The following OR6F1 variants were observed in gnomAD, a reference collection of about 807,000 sequenced individuals.
OR6F1 encodes the protein olfactory receptor 6F1.
For missense variants in OR6F1, 346 were observed against 376.0 expected (o/e 0.92, Z 0.66); for synonymous variants, 144 against 150.0 (o/e 0.96, Z 0.29).
intron 1 of OR6F1, among the ~76,000 whole-genome samples, chr1:247,715,978 C>T (rs1459417039): frequency 1.3e-5 from 2 of 152,104 alleles, no homozygotes; most frequent in African/African-American, 2.4e-5. Context: ...ATCTGGCGGA[C>T]GTGGTGACTG....
chr1:247,712,726 C>T lies in OR6F1; in HGVS notation c.30G>A (p.Gln10=), dbSNP rs764198391. 6.3e-7 allele frequency: 1 copy of T among 1,594,850 alleles called. No individual in the cohort carries two copies. The highest frequency in any genetic ancestry group is 2.2e-5 in the East Asian group (1 of 44,866). MDTGNKTLP[Q]DFLLLGFPGS... Reference sequence around the variant, plus strand: ...CAGGAAAGCCCAGTAAGAGAAAGTCCTGGGGCAGAGTTTTGTTGCCTGTGT... The same window carrying T: ...CAGGAAAGCCCAGTAAGAGAAAGTCTTGGGGCAGAGTTTTGTTGCCTGTGT... The change falls in exon 3 of 3, where the codon CAG becomes CAA. Residue 10 remains glutamine, a synonymous_variant. Coordinates refer to ENST00000641470, the MANE Select transcript of OR6F1 (RefSeq NM_001005286.2).
chr1:247,714,561 C>T (rs1253862559), intron 1 of OR6F1, among the ~76,000 whole-genome samples: 1 of 152,164 alleles, frequency 6.6e-6, no homozygotes, highest in Non-Finnish European at 1.5e-5. Context: ...ACGCACTTGT[C>T]AATAAACTTC....
intron 2 of OR6F1, among the ~76,000 whole-genome samples, chr1:247,713,400 T>C (rs1242782867): frequency 6.6e-6 from 1 of 150,908 alleles, no homozygotes; most frequent in African/African-American, 2.5e-5. Flanking sequence ...AAACATTATA[T>C]GACAGATACT....
intron 2 of OR6F1, among the ~76,000 whole-genome samples, chr1:247,713,179 T>C (rs528932700): frequency 6.6e-6 from 1 of 152,320 alleles, no homozygotes; most frequent in Non-Finnish European, 1.5e-5. Context: ...AGACTCTGCA[T>C]GGCCCCTGGC....
Position 247,711,752 on chromosome 1 carries a change from T to C in OR6F1, c.*77A>G. 1.1e-6 allele frequency: 1 copy of C among 896,562 alleles called. No individual in the cohort carries two copies. The highest frequency in any genetic ancestry group is 1.8e-6 in the Non-Finnish European group (1 of 564,664). 55.5% of individuals were successfully genotyped at this position (896,562 alleles called of 1,614,324 possible). ...TGTGTACCAAGAAAGATTTGCCCTA[T>C]TCCTCCACATTCTTACTTGGAACCT... On this transcript the variant is annotated 3_prime_UTR_variant, in exon 3 of 3. Coordinates refer to ENST00000641470, the MANE Select transcript of OR6F1 (RefSeq NM_001005286.2).
rs1234237817 is a variant in OR6F1, at chr1:247,716,563, G to A, written c.-359C>T. 6.6e-6 allele frequency: 1 copy of A among 152,070 alleles called. No individual in the cohort carries two copies. The highest frequency in any genetic ancestry group is 1.5e-5 in the Non-Finnish European group (1 of 68,026). 9.4% of individuals were successfully genotyped at this position (152,070 alleles called of 1,614,324 possible). A position where few individuals can be genotyped will look rare whatever the true frequency, so the allele number is the denominator to read the frequency against. On this transcript the variant is annotated 5_prime_UTR_variant, in exon 1 of 3. Transcript: ENST00000641470. ...AACTTTCATAATCTTTGAAATTAGAGCTCAGTCTTTTTCTGTTTCCTTTTG... is the reference window on the plus strand; with the variant it reads ...AACTTTCATAATCTTTGAAATTAGAACTCAGTCTTTTTCTGTTTCCTTTTG...
At chr1:247,714,328 G>A (rs1265466847) in intron 1 of OR6F1, among the ~76,000 whole-genome samples, 4 of 152,088 alleles carry the variant, frequency 2.6e-5, no homozygotes, top group Admixed American at 2.6e-4. Context: ...CCTAGAGAAG[G>A]CAACAGAGGA....
intron 1 of OR6F1, 61 bp downstream of exon 1, chr1:247,716,270 T>C (rs1396945699): frequency 6.6e-6 from 1 of 151,912 alleles, no homozygotes; most frequent in African/African-American, 2.4e-5. Flanking sequence ...AAATTAGAAA[T>C]TACCCATTGA....
At position 247,716,622 on chromosome 1, in the gene OR6F1, C is replaced by A. The variant is rs1303694002; in HGVS notation, c.-418G>T. 6.6e-6 allele frequency: 1 copy of A among 152,140 alleles called. No individual in the cohort carries two copies. The highest frequency in any genetic ancestry group is 1.5e-5 in the Non-Finnish European group (1 of 68,034). 9.4% of individuals were successfully genotyped at this position (152,140 alleles called of 1,614,324 possible). ...CTCTGACCCCATTCTGTCCTAGTTC[C>A]ATTCCACTTCCCTTTTGTTGTTTTA... is the stretch of plus-strand genomic sequence containing the variant. On this transcript the variant is annotated 5_prime_UTR_variant, in exon 1 of 3. It removes an upstream start codon present in the reference 5' UTR. Transcript: ENST00000641470.
At position 247,712,093 on chromosome 1, in the gene OR6F1, G is replaced by A. The variant is rs1463530338; in HGVS notation, c.663C>T (p.Ile221=). The A allele has an allele frequency of 6.2e-7, 1 of 1,614,218 alleles. No homozygotes were observed. The highest frequency in any genetic ancestry group is 1.7e-5 in the Admixed American group (1 of 60,030). The change falls in exon 3 of 3, where the codon ATC becomes ATT. Residue 221 remains isoleucine, a synonymous_variant. Coordinates refer to ENST00000641470, the MANE Select transcript of OR6F1 (RefSeq NM_001005286.2). ...AGGGGATCCTGAGGATGGTGCTGATGATGTACACATAGGAGACAAAGGTGA... is the reference window on the plus strand; with the variant it reads ...AGGGGATCCTGAGGATGGTGCTGATAATGTACACATAGGAGACAAAGGTGA... ...CLITFVSYVY[I]ISTILRIPSA... is the part of the protein sequence containing the mutation.
In OR6F1 at chr1:247,712,262, C is replaced by T. The variant is rs200007349; in HGVS notation, c.494G>A (p.Gly165Asp). ...AIAVPTALIS[G>D]LSFCGPRAIN... ...GGCACGGGGGCCACAGAAGGACAGGCCACTGATGAGGGCTGTGGGCACTGC... is the reference window on the plus strand; with the variant it reads ...GGCACGGGGGCCACAGAAGGACAGGTCACTGATGAGGGCTGTGGGCACTGC... Residue 165 changes from glycine (G) to aspartate (D), a missense_variant, in exon 3 of 3, where the codon GGC (glycine) becomes GAC (aspartate). Physicochemically the swap from Gly to Asp is moderately conservative, Grantham distance 94. Transcript: ENST00000641470. The T allele has an allele frequency of 1.6e-5, 26 of 1,614,200 alleles. No homozygotes were observed. Among genetic ancestry groups the T allele is most frequent in the Non-Finnish European group, 1.9e-5 (23 of 1,180,030 alleles).
In OR6F1 at chr1:247,711,608, T is replaced by G. The variant is rs748973126; in HGVS notation, c.*221A>C. 38 of 423,696 alleles carry G rather than the reference T, an allele frequency of 9.0e-5. No individual in the cohort carries two copies. Among genetic ancestry groups the G allele is most frequent in the Non-Finnish European group, 1.5e-4 (37 of 238,726 alleles). 26.2% of individuals were successfully genotyped at this position (423,696 alleles called of 1,614,324 possible). ...AAAGTCCAGAGCAAACCTAATTCAA[T>G]GTATAATTATTTTTTGCTTAAAAAT... On this transcript the variant is annotated 3_prime_UTR_variant, in exon 3 of 3. Transcript: ENST00000641470.
At chr1:247,715,364 T>G (rs1660087418) in intron 1 of OR6F1, among the ~76,000 whole-genome samples, 1 of 152,244 alleles carries the variant, frequency 6.6e-6, no homozygotes, top group Admixed American at 6.5e-5. Flanking sequence ...TACTCATAAT[T>G]TTCTATATTC....
chr1:247,714,071 G>A (rs534066944), intron 1 of OR6F1, 117 bp from the exon 2 acceptor site: 1 of 397,654 alleles, frequency 2.5e-6, no homozygotes, highest in South Asian at 1.3e-4. Context: ...TGAGAAGCAA[G>A]GATCTAGCAT....
In OR6F1 at chr1:247,712,181, G is replaced by A. The variant is rs1572460432; in HGVS notation, c.575C>T (p.Thr192Ile). ...AAAGGCCACAAGCTCTACTGCCTGTGTGTTGGTGCAGGCCAGGGCAATCCA... is the reference window on the plus strand; with the variant it reads ...AAAGGCCACAAGCTCTACTGCCTGTATGTTGGTGCAGGCCAGGGCAATCCA... Reference protein sequence around the residue: ...APWIALACTNTQAVELVAFVI... With the variant: ...APWIALACTNIQAVELVAFVI... Residue 192 changes from threonine to isoleucine, a missense_variant, in exon 3 of 3, where the codon ACA (threonine) becomes ATA (isoleucine). Physicochemically the swap from Thr to Ile is moderately conservative, Grantham distance 89. Transcript: ENST00000641470. 1 of 1,614,150 alleles carries A rather than the reference G, an allele frequency of 6.2e-7. No homozygotes were observed.
rs61730470 is a variant in OR6F1, at chr1:247,712,673, A to G, written c.83T>C (p.Phe28Ser). The G allele has an allele frequency of 0.078, 125,851 of 1,612,376 alleles. 5,459 individuals are homozygous for G. Among genetic ancestry groups the G allele is most frequent in the African/African-American group, 0.13 (9,420 of 74,942 alleles). ...PGSQTLQLSL[F>S]MLFLVMYILT... is the part of the protein sequence containing the mutation. ...GATGTACATCACCAGAAAAAGCATAAAGAGAGAGAGCTGAAGAGTTTGAGA... is the reference window on the plus strand; with the variant it reads ...GATGTACATCACCAGAAAAAGCATAGAGAGAGAGAGCTGAAGAGTTTGAGA... Residue 28 changes from phenylalanine to serine, a missense_variant, in exon 3 of 3, where the codon TTT becomes TCT. Transcript: ENST00000641470.
At position 247,712,076 on chromosome 1, in the gene OR6F1, C is replaced by T. The variant is rs1660014137; in HGVS notation, c.680G>A (p.Arg227Lys). Residue 227 changes from arginine to lysine, a missense_variant, in exon 3 of 3, where the codon AGG (arginine) becomes AAG (lysine). Physicochemically the swap from Arg to Lys is conservative, Grantham distance 26. Coordinates refer to ENST00000641470, the MANE Select transcript of OR6F1 (RefSeq NM_001005286.2). ...SYVYIISTILRIPSASGRSKA... is the reference protein window; with the variant it reads ...SYVYIISTILKIPSASGRSKA... ...GCTCCGGCCACTGGCAGAGGGGATC[C>T]TGAGGATGGTGCTGATGATGTACAC... is the stretch of plus-strand genomic sequence containing the variant. 1.2e-6 allele frequency: 2 copies of T among 1,614,156 alleles called. No homozygotes were observed. The highest frequency in any genetic ancestry group is 1.7e-6 in the Non-Finnish European group (2 of 1,180,000).
rs61730473 is a variant in OR6F1, at chr1:247,712,241, C to T, written c.515G>A (p.Arg172His). ...GTCACAGAAGAAGTGGTTGATGGCA[C>T]GGGGGCCACAGAAGGACAGGCCACT... ...LISGLSFCGPRAINHFFCDIA... is the reference protein window; with the variant it reads ...LISGLSFCGPHAINHFFCDIA... The change falls in exon 3 of 3, where the codon CGT (arginine) becomes CAT (histidine). Residue 172 changes from arginine (R) to histidine (H), a missense_variant. Coordinates refer to ENST00000641470, the MANE Select transcript of OR6F1 (RefSeq NM_001005286.2). The T allele has an allele frequency of 7.9e-4, 1,280 of 1,614,158 alleles. 13 individuals are homozygous for T. In the African/African-American group the frequency reaches 0.015, roughly 19 times the overall value.
intron 1 of OR6F1, among the ~76,000 whole-genome samples, chr1:247,715,193 A>G (rs1351672218): frequency 6.6e-6 from 1 of 152,204 alleles, no homozygotes; most frequent in Admixed American, 6.5e-5. Flanking sequence ...AGGCTTTCAG[A>G]TATTTTTTAT....
Sources: allele counts gnomAD v4.1 joint callset (sites outside exome capture counted in the v4.1 genomes callset), GRCh38; gene constraint gnomAD v4.1.1; transcripts MANE v1.5; gene names NCBI Gene and HGNC (gene_info 2026-07-23, HGNC 2026-07-21).